Variants in SCN1A observed in about 807,000 individuals in gnomAD.
SCN1A encodes the protein sodium voltage-gated channel alpha subunit 1.
SCN1A carries 13 observed loss-of-function variants against 193.7 expected under a neutral mutation model. The ratio of observed to expected loss-of-function variants is 0.07; its 90% CI spans 0.04 to 0.11. The LOEUF (loss-of-function observed/expected upper bound fraction) is 0.11. Among genes scored for constraint, SCN1A ranks in the 10% least tolerant of loss-of-function variants. SCN1A has a pLI of 1.00. For synonymous variants in SCN1A, 781 were observed against 843.6 expected (o/e 0.93, Z 1.29); for missense variants, 1,432 against 2,451.1 (o/e 0.58, Z 8.78).
At position 166,005,419 on chromosome 2, in the gene SCN1A, G is replaced by A. The variant is rs1034861915; in HGVS notation, c.4003-2666C>T. ...TTGAGAGGTTTACTTTGAAACTGGG[G>A]ATTGATTTAGAGTTAAAGCGAACTC... is the stretch of plus-strand genomic sequence containing the variant. On this transcript the variant is annotated intron_variant, in intron 23 of 28. Coordinates refer to ENST00000674923, the MANE Select transcript of SCN1A (RefSeq NM_001165963.4). 4.0e-5 allele frequency among the ~76,000 whole-genome samples: 6 copies of A among 151,470 alleles called. No homozygotes were observed. The South Asian group carries it at 8.3e-4, about 21-fold the overall frequency.
At chr2:166,031,561 G>T (rs887743332) in intron 19 of SCN1A, among the ~76,000 whole-genome samples, 3 of 152,038 alleles carry the variant, frequency 2.0e-5, no homozygotes, top group Admixed American at 2.0e-4. Flanking sequence ...AATATAAAAT[G>T]TATCACCATC....
At chr2:166,147,344 T>C (rs1692363999) in intron 1 of SCN1A, among the ~76,000 whole-genome samples, 1 of 152,170 alleles carries the variant, frequency 6.6e-6, no homozygotes, top group Non-Finnish European at 1.5e-5. Flanking sequence ...CAAAGATATA[T>C]ATGGTAGAAT....
intron 2 of SCN1A, among the ~76,000 whole-genome samples, chr2:166,107,568 T>A (rs974701440): frequency 6.6e-6 from 1 of 151,608 alleles, no homozygotes; most frequent in Admixed American, 6.6e-5. Context: ...TCACATACTT[T>A]TCTTAATATT....
intron 4 of SCN1A, 199 bp downstream of exon 4, chr2:166,073,159 A>G: frequency 1.6e-6 from 1 of 643,936 alleles, no homozygotes; most frequent in Non-Finnish European, 2.6e-6. Context: ...GTCATGGTGC[A>G]TTTGGGACAG....
chr2:166,105,270 G>A (rs1688560797), intron 2 of SCN1A, among the ~76,000 whole-genome samples: 1 of 152,172 alleles, frequency 6.6e-6, no homozygotes. Flanking sequence ...CTTTTGCCAA[G>A]TTATAAGTTT....
chr2:166,065,402 A>G (rs1683728386), intron 4 of SCN1A, among the ~76,000 whole-genome samples: 1 of 152,104 alleles, frequency 6.6e-6, no homozygotes, highest in African/African-American at 2.4e-5. Context: ...CTCTGGGGAC[A>G]TTTCTTATGC....
intron 2 of SCN1A, among the ~76,000 whole-genome samples, chr2:166,100,535 C>T (rs1053167034): frequency 4.2e-4 from 63 of 151,534 alleles, no homozygotes; most frequent in African/African-American, 1.5e-3. Context: ...AACTAAAGAG[C>T]TTCTGCACAG....
chr2:166,135,980 G>T (rs902162514), intron 1 of SCN1A, among the ~76,000 whole-genome samples: 4 of 152,216 alleles, frequency 2.6e-5, no homozygotes, highest in Admixed American at 2.6e-4. Context: ...CTGTTCATCT[G>T]CAGTGGCATG....
chr2:166,018,598 T>C (rs1693617040), intron 19 of SCN1A, among the ~76,000 whole-genome samples: 1 of 152,104 alleles, frequency 6.6e-6, no homozygotes, highest in Non-Finnish European at 1.5e-5. Flanking sequence ...TGATGTTTTT[T>C]CATTAGAGTC....
chr2:166,115,541 T>C (rs1410727907), intron 2 of SCN1A, among the ~76,000 whole-genome samples: 2 of 152,266 alleles, frequency 1.3e-5, no homozygotes, highest in East Asian at 1.9e-4. Context: ...ACTCATAGTA[T>C]ATATGAGTTT....
Position 166,118,991 on chromosome 2 carries a change from A to C in SCN1A, c.-142+7933T>G, listed in dbSNP as rs566577338. Among the ~76,000 whole-genome samples the C allele has an allele frequency of 1.6e-3, 248 of 152,280 alleles. 1 individual carries two copies. The highest frequency in any genetic ancestry group is 2.7e-3 in the Non-Finnish European group (181 of 67,994). On this transcript the variant is annotated intron_variant, in intron 2 of 28. Coordinates refer to ENST00000674923, the MANE Select transcript of SCN1A (RefSeq NM_001165963.4). ...GAGTGGGGGCTGGCATTAGAATCTC[A>C]TAAGGAGCACACAACCTAGATCCTG...
At chr2:166,080,858 A>C (rs13406905) in intron 2 of SCN1A, among the ~76,000 whole-genome samples, 35,921 of 151,806 alleles carry the variant, frequency 0.24, 4,546 homozygotes, top group Non-Finnish European at 0.29. Flanking sequence ...ATCTAACTGA[A>C]AGAAAAAGAG....
chr2:166,107,141 T>G (rs114182139), intron 2 of SCN1A, among the ~76,000 whole-genome samples: 2,222 of 152,282 alleles, frequency 0.015, 59 homozygotes, highest in African/African-American at 0.049. Context: ...AGGCTGTTGA[T>G]CTCTTCATCC....
chr2:165,998,435 T>C (rs1390902081), intron 25 of SCN1A, among the ~76,000 whole-genome samples: 1 of 151,154 alleles, frequency 6.6e-6, no homozygotes, highest in African/African-American at 2.4e-5. Flanking sequence ...ATTTGAACAG[T>C]AATGTGCTAA....
chr2:166,009,929 T>C (rs1692198632), intron 22 of SCN1A, 88 bp from the exon 23 acceptor site: 1 of 1,278,122 alleles, frequency 7.8e-7, no homozygotes, highest in Non-Finnish European at 1.1e-6. Context: ...TAATTTTTGC[T>C]TATAATTATT....
chr2:166,091,991 A>C (rs73026902), intron 2 of SCN1A, among the ~76,000 whole-genome samples: 2,894 of 152,308 alleles, frequency 0.019, 97 homozygotes, highest in African/African-American at 0.066. Flanking sequence ...CACAAGTGTT[A>C]TCATCAAACT....
At chr2:166,100,704 G>A (rs1687951378) in intron 2 of SCN1A, among the ~76,000 whole-genome samples, 1 of 138,676 alleles carries the variant, frequency 7.2e-6, no homozygotes. Flanking sequence ...CAAAGGACAT[G>A]AACAGACACT....
chr2:166,117,525 A>T (rs1473044034), intron 2 of SCN1A, among the ~76,000 whole-genome samples: 1 of 152,178 alleles, frequency 6.6e-6, no homozygotes, highest in Non-Finnish European at 1.5e-5. Flanking sequence ...CACTGTCTTG[A>T]TAAGTGTTAA....
chr2:166,017,032 C>G (rs10167401), intron 19 of SCN1A, among the ~76,000 whole-genome samples: 23,137 of 148,750 alleles, frequency 0.16, 1,943 homozygotes, highest in East Asian at 0.27. Flanking sequence ...CTTTCCTTTC[C>G]TTTTAATTTC....
Sources: gnomAD v4.1 joint callset for allele counts (sites outside exome capture counted in the v4.1 genomes callset) on GRCh38, gnomAD v4.1.1 for gene constraint, MANE v1.5 for transcripts, NCBI Gene and HGNC (gene_info 2026-07-23, HGNC 2026-07-21) for gene names.